Variants in THSD7B observed in about 807,000 individuals in gnomAD.
The protein encoded by THSD7B is thrombospondin type 1 domain containing 7B.
THSD7B carries 138 observed loss-of-function variants against 213.6 expected under a neutral mutation model. The ratio of observed to expected loss-of-function variants is 0.65; its 90% CI spans 0.56 to 0.74. The LOEUF is 0.74. THSD7B is among the 30% of genes least tolerant of loss of function. The pLI, the probability that THSD7B is intolerant of heterozygous loss-of-function variation, is 0.00. For synonymous variants in THSD7B, 742 were observed against 687.0 expected (o/e 1.08, Z -1.25); for missense variants, 1,931 against 1,991.5 (o/e 0.97, Z 0.58).
chr2:137,205,572 T>G (rs1680968597), intron 7 of THSD7B, among the ~76,000 whole-genome samples: 1 of 152,078 alleles, frequency 6.6e-6, no homozygotes, highest in Non-Finnish European at 1.5e-5. Context: ...GTATCACTAT[T>G]ATTTCTGTTA....
intron 15 of THSD7B, among the ~76,000 whole-genome samples, chr2:137,498,730 G>A (rs1251580532): frequency 6.6e-6 from 1 of 152,100 alleles, no homozygotes; most frequent in African/African-American, 2.4e-5. Context: ...GTAGGAATTG[G>A]CCCTTTGGAC....
intron 2 of THSD7B, among the ~76,000 whole-genome samples, chr2:137,004,939 GA>G (rs1356754851): frequency 6.6e-6 from 1 of 152,050 alleles, no homozygotes; most frequent in Non-Finnish European, 1.5e-5. Context: ...TATTTATTTT[GA>G]AGTTGAATAT....
intron 5 of THSD7B, among the ~76,000 whole-genome samples, chr2:137,152,061 G>A (rs1275878985): frequency 6.6e-6 from 1 of 151,362 alleles, no homozygotes. Context: ...ACTTGAAGAG[G>A]AGGGGTGCTT....
chr2:137,163,706 C>T (rs1680063478), intron 6 of THSD7B, among the ~76,000 whole-genome samples: 1 of 152,202 alleles, frequency 6.6e-6, no homozygotes, highest in Non-Finnish European at 1.5e-5. Context: ...ATTTAAGCTA[C>T]CCAATTTCCA....
At chr2:136,956,445 T>A (rs580746) in intron 2 of THSD7B, among the ~76,000 whole-genome samples, 1 of 151,898 alleles carries the variant, frequency 6.6e-6, no homozygotes, top group Non-Finnish European at 1.5e-5. Flanking sequence ...CTCTTTTGTA[T>A]AGCAAAGTGT....
rs267598896 is a variant in THSD7B at position 137,170,905 on chromosome 2, C to T, written c.1690C>T (p.Arg564Cys). The change falls in exon 7 of 28, where the codon CGT (arginine) becomes TGT (cysteine). Residue 564 changes from arginine (R) to cysteine (C), a missense_variant. Coordinates refer to ENST00000409968, the MANE Select transcript of THSD7B (RefSeq NM_001316349.2). ...TCATGGAAAATGTGGCCTGGGACATCGTATTCTGAAGGCCGTCTGCCAGAA... is the reference window on the plus strand; with the variant it reads ...TCATGGAAAATGTGGCCTGGGACATTGTATTCTGAAGGCCGTCTGCCAGAA... ...PDHGKCGLGH[R>C]ILKAVCQNDR... 7 of 1,612,886 alleles carry T rather than the reference C, an allele frequency of 4.3e-6. No individual in the cohort carries two copies. The highest frequency in any genetic ancestry group is 2.2e-5 in the East Asian group (1 of 44,796).
chr2:137,316,075 A>T (rs531183393), intron 12 of THSD7B, among the ~76,000 whole-genome samples: 1 of 152,240 alleles, frequency 6.6e-6, no homozygotes, highest in Admixed American at 6.5e-5. Context: ...CAGAATTATT[A>T]CTTGGGTAAT....
chr2:137,413,393 T>C (rs1274709530), intron 14 of THSD7B, among the ~76,000 whole-genome samples: 2 of 152,188 alleles, frequency 1.3e-5, no homozygotes, highest in Non-Finnish European at 2.9e-5. Flanking sequence ...CAGAAACTTG[T>C]GGAGTTTACT....
intron 2 of THSD7B, among the ~76,000 whole-genome samples, chr2:136,979,030 T>C (rs1685532887): frequency 6.6e-6 from 1 of 152,128 alleles, no homozygotes; most frequent in African/African-American, 2.4e-5. Context: ...AAAGGATTTT[T>C]ATTTTTCCTT....
At chr2:137,482,489 G>A (rs1688329930) in intron 15 of THSD7B, among the ~76,000 whole-genome samples, 1 of 152,174 alleles carries the variant, frequency 6.6e-6, no homozygotes, top group South Asian at 2.1e-4. Context: ...AGCATATTTT[G>A]TTTCCTAAAC....
At chr2:136,979,137 G>A (rs981928838) in intron 2 of THSD7B, among the ~76,000 whole-genome samples, 1 of 152,078 alleles carries the variant, frequency 6.6e-6, no homozygotes, top group Admixed American at 6.6e-5. Context: ...CTTCTGGCTT[G>A]TAGGGTTTCC....
intron 1 of THSD7B, among the ~76,000 whole-genome samples, chr2:136,826,954 T>C (rs982550768): frequency 1.3e-5 from 2 of 152,212 alleles, no homozygotes; most frequent in East Asian, 3.8e-4. Flanking sequence ...TCCATCTCTT[T>C]GAGACAGAGT....
chr2:137,519,576 TTCAGAC>T (rs1235501675), intron 15 of THSD7B, among the ~76,000 whole-genome samples: 2 of 152,130 alleles, frequency 1.3e-5, no homozygotes, highest in African/African-American at 4.8e-5. Context: ...GCGTAACTAC[TTCAGAC>T]TGGCAGAATA....
intron 12 of THSD7B, among the ~76,000 whole-genome samples, chr2:137,397,356 C>T (rs1009673977): frequency 1.3e-5 from 2 of 152,044 alleles, no homozygotes; most frequent in Admixed American, 1.3e-4. Flanking sequence ...TTAGGGCAGG[C>T]CTGGTGGTGA....
intron 27 of THSD7B, 30 bp downstream of exon 27, chr2:137,667,891 T>G: frequency 6.6e-7 from 1 of 1,512,448 alleles, no homozygotes; most frequent in Admixed American, 2.0e-5. Flanking sequence ...AAGTTTATGT[T>G]CCGTATTTTT....
chr2:137,624,029 T>G (rs573509251), intron 20 of THSD7B, among the ~76,000 whole-genome samples: 2 of 152,346 alleles, frequency 1.3e-5, no homozygotes, highest in African/African-American at 4.8e-5. Flanking sequence ...AAGACAATCC[T>G]AAGCCAAAGA....
At chr2:137,262,233 A>G (rs1182675519) in intron 10 of THSD7B, among the ~76,000 whole-genome samples, 1 of 152,184 alleles carries the variant, frequency 6.6e-6, no homozygotes, top group African/African-American at 2.4e-5. Context: ...TTCATGCCTA[A>G]TATTGGTGAC....
chr2:137,182,337 A>G (rs1680470212), intron 7 of THSD7B, among the ~76,000 whole-genome samples: 2 of 152,182 alleles, frequency 1.3e-5, no homozygotes, highest in Admixed American at 6.5e-5. Flanking sequence ...CCTTCCCTGA[A>G]TTAATTCTGA....
In THSD7B at chr2:137,056,782, A is replaced by G. The variant is rs1687173254; in HGVS notation, c.502A>G (p.Thr168Ala). 1.2e-6 allele frequency: 2 copies of G among 1,613,812 alleles called. No individual in the cohort carries two copies. Among genetic ancestry groups the G allele is most frequent in the South Asian group, 1.1e-5 (1 of 91,084 alleles). The change falls in exon 3 of 28, where the codon ACA becomes GCA. Residue 168 changes from threonine to alanine, a missense_variant. Transcript: ENST00000409968. ...ICEHFALQPPTEQACLIPCPR... is the reference protein window; with the variant it reads ...ICEHFALQPPAEQACLIPCPR... Reference sequence around the variant, plus strand: ...CGAACACTTTGCCCTTCAGCCTCCTACAGAACAGGCTTGCCTCATTCCTTG... The same window carrying G: ...CGAACACTTTGCCCTTCAGCCTCCTGCAGAACAGGCTTGCCTCATTCCTTG...
Sources: gnomAD v4.1 joint callset for allele counts (sites outside exome capture counted in the v4.1 genomes callset) on GRCh38, gnomAD v4.1.1 for gene constraint, MANE v1.5 for transcripts, NCBI Gene and HGNC (gene_info 2026-07-23, HGNC 2026-07-21) for gene names.